The following CDS1 variants were observed in gnomAD, a reference collection of about 807,000 sequenced individuals.
The protein encoded by CDS1 is phosphatidate cytidylyltransferase 1.
CDS1 carries 41 observed loss-of-function variants against 62.1 expected under a neutral mutation model. That is an observed-to-expected ratio of 0.66 (90% CI 0.51 to 0.86). The LOEUF (loss-of-function observed/expected upper bound fraction) is 0.86, where lower values mean the gene tolerates loss of function less well. Among genes scored for constraint, CDS1 ranks in the 40% least tolerant of loss-of-function variants. The probability of loss-of-function intolerance (pLI) is 0.00; values close to 1 mark genes in which losing one functional copy is unlikely to be tolerated. For synonymous variants in CDS1, 185 were observed against 192.6 expected (o/e 0.96, Z 0.32); for missense variants, 470 against 550.1 (o/e 0.85, Z 1.46).
At chr4:84,588,013 A>G (rs1722471361) in intron 1 of CDS1, among the ~76,000 whole-genome samples, 1 of 152,210 alleles carries the variant, frequency 6.6e-6, no homozygotes, top group Non-Finnish European at 1.5e-5. Context: ...TACCTCACAA[A>G]AGACAGCTTT....
chr4:84,608,093 A>C (rs1723187569), intron 2 of CDS1, among the ~76,000 whole-genome samples: 1 of 152,338 alleles, frequency 6.6e-6, no homozygotes, highest in East Asian at 1.9e-4. Flanking sequence ...GAGGGAGACC[A>C]GTTCTCAGCA....
intron 2 of CDS1, among the ~76,000 whole-genome samples, chr4:84,606,183 A>T (rs1232416063): frequency 6.6e-6 from 1 of 152,162 alleles, no homozygotes; most frequent in Non-Finnish European, 1.5e-5. Flanking sequence ...CATAGGATTA[A>T]AAATAGTAAT....
intron 5 of CDS1, among the ~76,000 whole-genome samples, chr4:84,620,444 A>G (rs965050209): frequency 1.3e-5 from 2 of 151,440 alleles, no homozygotes; most frequent in Non-Finnish European, 2.9e-5. Context: ...GGATGGTCTC[A>G]ATCTCCTGAC....
intron 3 of CDS1, among the ~76,000 whole-genome samples, chr4:84,615,471 C>A (rs1259342161): frequency 2.6e-5 from 4 of 152,076 alleles, no homozygotes; most frequent in Non-Finnish European, 5.9e-5. Flanking sequence ...TTCTTACCCC[C>A]ACCTTTGTCT....
intron 1 of CDS1, among the ~76,000 whole-genome samples, chr4:84,594,088 A>G (rs1265790153): frequency 3.3e-5 from 5 of 152,190 alleles, no homozygotes; most frequent in African/African-American, 1.2e-4. Flanking sequence ...CACCTCAATC[A>G]ATATATTATT....
At chr4:84,614,515 A>G (rs1723427353) in intron 3 of CDS1, among the ~76,000 whole-genome samples, 1 of 152,266 alleles carries the variant, frequency 6.6e-6, no homozygotes, top group African/African-American at 2.4e-5. Context: ...CTCTAACTTT[A>G]TATGTGGGAG....
chr4:84,641,964 A>G (rs1363844563), intron 10 of CDS1, among the ~76,000 whole-genome samples: 1 of 152,218 alleles, frequency 6.6e-6, no homozygotes, highest in Non-Finnish European at 1.5e-5. Context: ...GTTACCTGCT[A>G]TAAAACTTTT....
rs2110026915 is a variant in CDS1 at position 84,583,515 on chromosome 4, C to T, written c.114C>T (p.Asp38=). 6.6e-7 allele frequency: 1 copy of T among 1,519,038 alleles called. No individual in the cohort carries two copies. Among genetic ancestry groups the T allele is most frequent in the Non-Finnish European group, 8.8e-7 (1 of 1,132,004 alleles). 94.1% of individuals were successfully genotyped at this position (1,519,038 alleles called of 1,614,324 possible). A position where few individuals can be genotyped will look rare whatever the true frequency, so the allele number is the denominator to read the frequency against. The part of the protein sequence containing the change: ...GGDHETESTS[D]KETDIDDRYG... Reference sequence around the variant, plus strand: ...ACCACGAAACCGAGAGCACCAGCGACAAAGTAAGTGGAGCCGAGAGAGGCG... The same window carrying T: ...ACCACGAAACCGAGAGCACCAGCGATAAAGTAAGTGGAGCCGAGAGAGGCG... The change falls in exon 1 of 13, where the codon GAC becomes GAT. Residue 38 remains aspartate, a synonymous_variant. Coordinates refer to ENST00000295887, the MANE Select transcript of CDS1 (RefSeq NM_001263.4).
chr4:84,636,172 G>A (rs1724204715), intron 8 of CDS1, among the ~76,000 whole-genome samples: 1 of 151,940 alleles, frequency 6.6e-6, no homozygotes, highest in Non-Finnish European at 1.5e-5. Context: ...CGCCTTACCT[G>A]TCCCCTCCTT....
intron 3 of CDS1, among the ~76,000 whole-genome samples, chr4:84,615,237 C>A (rs1409636885): frequency 2.0e-5 from 3 of 151,976 alleles, no homozygotes; most frequent in African/African-American, 4.8e-5. Flanking sequence ...TCAGTTCTAC[C>A]CCCTATACTT....
intron 8 of CDS1, among the ~76,000 whole-genome samples, chr4:84,637,881 T>G (rs1724261940): frequency 6.6e-6 from 1 of 152,132 alleles, no homozygotes; most frequent in Admixed American, 6.5e-5. Flanking sequence ...GCAGTGATAG[T>G]GAATTACCCT....
At chr4:84,599,410 A>G (rs1351643461) in intron 1 of CDS1, among the ~76,000 whole-genome samples, 39 of 11,184 alleles carry the variant, frequency 3.5e-3, no homozygotes, top group African/African-American at 0.011. Flanking sequence ...ACACACATAT[A>G]TATATATATA....
rs764609438 is a variant in CDS1, at chr4:84,648,680, G to A, written c.1380G>A (p.Lys460=). 1.9e-6 allele frequency: 3 copies of A among 1,611,010 alleles called. No homozygotes were observed. The highest frequency in any genetic ancestry group is 2.2e-5 in the South Asian group (2 of 90,298). The change falls in exon 13 of 13, where the codon AAG becomes AAA. Residue 460 remains lysine (K), a synonymous_variant. Transcript: ENST00000295887. ...AAGGAATCCTACAACCCACCTTGAA[G>A]GTATAACTGGATCCAGAGAGGGAAG... is the stretch of plus-strand genomic sequence containing the variant. The part of the protein sequence containing the change: ...IEKGILQPTL[K]V
intron 8 of CDS1, among the ~76,000 whole-genome samples, chr4:84,635,684 T>TCCCTCCC (rs1724180792): frequency 3.6e-5 from 3 of 83,642 alleles, no homozygotes; most frequent in Admixed American, 2.4e-4. Context: ...CCTTCCTTCC[T>TCCCTCCC]TCCTTCCCTC....
rs1578011870 is a variant in CDS1, at chr4:84,587,240, GTATA to G, written c.117+3727_117+3730del. On this transcript the variant is annotated intron_variant, in intron 1 of 12. Transcript: ENST00000295887. Reference sequence around the variant, plus strand: ...TTTGTATATATTTATATATAATTTGGTATATATACAATTAAATTTTAAACAATAA... The same window carrying G: ...TTTGTATATATTTATATATAATTTGGTATACAATTAAATTTTAAACAATAA... Among the ~76,000 whole-genome samples the G allele has an allele frequency of 3.3e-5, 5 of 152,008 alleles. No individual in the cohort carries two copies. In the South Asian group the frequency reaches 1.0e-3, roughly 32 times the overall value.
intron 8 of CDS1, among the ~76,000 whole-genome samples, chr4:84,637,358 T>C (rs1241233780): frequency 6.6e-6 from 1 of 152,126 alleles, no homozygotes; most frequent in Non-Finnish European, 1.5e-5. Flanking sequence ...TTCTGCAAGC[T>C]GTACAGGAAG....
chr4:84,632,787 C>G (rs903612719), intron 6 of CDS1, among the ~76,000 whole-genome samples: 2 of 152,054 alleles, frequency 1.3e-5, no homozygotes, highest in African/African-American at 4.8e-5. Context: ...ATAGAGCAAC[C>G]AATATAATAT....
At chr4:84,598,948 C>T (rs1461283645) in intron 1 of CDS1, among the ~76,000 whole-genome samples, 1 of 152,190 alleles carries the variant, frequency 6.6e-6, no homozygotes, top group African/African-American at 2.4e-5. Context: ...GGAAGCACCT[C>T]AGTTCTCTTT....
At chr4:84,624,094 A>G (rs956600060) in intron 5 of CDS1, among the ~76,000 whole-genome samples, 1 of 151,676 alleles carries the variant, frequency 6.6e-6, no homozygotes, top group Non-Finnish European at 1.5e-5. Context: ...ACACGGTGGA[A>G]CCCCGTCTCT....
Sources: allele counts gnomAD v4.1 joint callset (sites outside exome capture counted in the v4.1 genomes callset), GRCh38; gene constraint gnomAD v4.1.1; transcripts MANE v1.5; gene names NCBI Gene and HGNC (gene_info 2026-07-23, HGNC 2026-07-21).